MED13L: variants seen among roughly 807,000 people sequenced by gnomAD.
The protein encoded by MED13L is mediator of RNA polymerase II transcription subunit 13-like.
Under a neutral mutation model 220.9 loss-of-function variants are expected in MED13L, and 7 were observed. The ratio of observed to expected loss-of-function variants is 0.03; its 90% CI spans 0.02 to 0.06. The LOEUF is 0.06. MED13L is among the 10% of genes least tolerant of loss of function. MED13L has a pLI of 1.00. For synonymous variants in MED13L, 1,011 were observed against 1,015.2 expected (o/e 1.00, Z 0.08); for missense variants, 1,965 against 2,760.5 (o/e 0.71, Z 6.46).
intron 2 of MED13L, among the ~76,000 whole-genome samples, chr12:116,194,464 C>T (rs1186586294): frequency 6.6e-6 from 1 of 152,180 alleles, no homozygotes; most frequent in African/African-American, 2.4e-5. Context: ...CACTCCCAGC[C>T]ACCCCTACTT....
intron 1 of MED13L, among the ~76,000 whole-genome samples, chr12:116,264,767 C>T (rs1872721306): frequency 6.6e-6 from 1 of 152,170 alleles, no homozygotes; most frequent in Admixed American, 6.5e-5. Context: ...CACAAATCTA[C>T]CTTTCAGGCT....
At chr12:115,978,286 G>A (rs931160005) in intron 23 of MED13L, among the ~76,000 whole-genome samples, 1 of 151,000 alleles carries the variant, frequency 6.6e-6, no homozygotes, top group Non-Finnish European at 1.5e-5. Flanking sequence ...GTACAACTGT[G>A]TGGAAATACT....
At chr12:116,181,880 T>G (rs1880555942) in intron 2 of MED13L, among the ~76,000 whole-genome samples, 1 of 152,230 alleles carries the variant, frequency 6.6e-6, no homozygotes, top group African/African-American at 2.4e-5. Flanking sequence ...TTCTTCAAAC[T>G]ATGATTTTGT....
intron 25 of MED13L, among the ~76,000 whole-genome samples, chr12:115,973,386 T>C (rs1876718666): frequency 6.6e-6 from 1 of 152,222 alleles, no homozygotes; most frequent in South Asian, 2.1e-4. Context: ...AGTAAACAGA[T>C]TTCCTGTACA....
intron 1 of MED13L, among the ~76,000 whole-genome samples, chr12:116,250,025 TAAAAAAAA>T (rs71095516): frequency 4.9e-5 from 2 of 40,462 alleles, no homozygotes; most frequent in African/African-American, 1.2e-4. Context: ...CAGCATAAAC[TAAAAAAAA>T]AAAAAAAAAA....
intron 4 of MED13L, among the ~76,000 whole-genome samples, chr12:116,068,143 A>T (rs752740378): frequency 6.6e-6 from 1 of 152,164 alleles, no homozygotes; most frequent in Admixed American, 6.5e-5. Context: ...TTTATCTAAC[A>T]TAAGCTTCAG....
chr12:116,176,214 G>A (rs181354143), intron 2 of MED13L, among the ~76,000 whole-genome samples: 2 of 152,206 alleles, frequency 1.3e-5, no homozygotes, highest in East Asian at 1.9e-4. Flanking sequence ...TAAGCTTCTC[G>A]TGCTTTGGTT....
chr12:116,192,778 G>A (rs1881363852), intron 2 of MED13L, among the ~76,000 whole-genome samples: 1 of 152,106 alleles, frequency 6.6e-6, no homozygotes, highest in Admixed American at 6.5e-5. Context: ...CTTTAGTTCA[G>A]CAGTTCAAGA....
intron 2 of MED13L, among the ~76,000 whole-genome samples, chr12:116,185,932 G>A (rs1482083236): frequency 6.6e-6 from 1 of 152,156 alleles, no homozygotes; most frequent in African/African-American, 2.4e-5. Flanking sequence ...CTGACCTCAT[G>A]ATCTGCCCAC....
In MED13L at chr12:116,161,949, G is replaced by A. The variant is rs1022706282; in HGVS notation, c.311-50437C>T. On this transcript the variant is annotated intron_variant, in intron 2 of 30. Coordinates refer to ENST00000281928, the MANE Select transcript of MED13L (RefSeq NM_015335.5). Reference sequence around the variant, plus strand: ...AATATCTAACAAGTTCTTAGGTGACGGGGGCAGGGGGGCAAAGAAAAGAAA... The same window carrying A: ...AATATCTAACAAGTTCTTAGGTGACAGGGGCAGGGGGGCAAAGAAAAGAAA... Among the ~76,000 whole-genome samples the A allele has an allele frequency of 3.9e-5, 6 of 152,028 alleles. No individual in the cohort carries two copies. In the South Asian group the frequency reaches 6.3e-4, roughly 16 times the overall value.
chr12:116,065,016 G>A (rs1032825936), intron 4 of MED13L, among the ~76,000 whole-genome samples: 3 of 152,120 alleles, frequency 2.0e-5, no homozygotes, highest in African/African-American at 7.2e-5. Context: ...TTTCATTGCT[G>A]TACAAACAAC....
chr12:116,046,992 A>C (rs1447291099), intron 4 of MED13L, among the ~76,000 whole-genome samples: 1 of 152,096 alleles, frequency 6.6e-6, no homozygotes, highest in Non-Finnish European at 1.5e-5. Context: ...AAAGAAAGAA[A>C]GAAAATGTCT....
At chr12:116,253,895 G>C (rs1871806617) in intron 1 of MED13L, among the ~76,000 whole-genome samples, 1 of 151,172 alleles carries the variant, frequency 6.6e-6, no homozygotes, top group Admixed American at 6.6e-5. Flanking sequence ...GAGTAGCTGA[G>C]ATTACAGGCG....
chr12:116,104,338 G>A (rs1565879339), intron 3 of MED13L, among the ~76,000 whole-genome samples: 1 of 151,940 alleles, frequency 6.6e-6, no homozygotes, highest in Non-Finnish European at 1.5e-5. Flanking sequence ...CACCTCTATT[G>A]CATCACCTCT....
chr12:115,980,034 C>T (rs767093502), intron 23 of MED13L, among the ~76,000 whole-genome samples: 2 of 152,118 alleles, frequency 1.3e-5, no homozygotes, highest in Non-Finnish European at 2.9e-5. Context: ...GTATGTGCAT[C>T]ACAAAACGAG....
At chr12:116,090,365 T>C (rs1872093816) in intron 4 of MED13L, among the ~76,000 whole-genome samples, 1 of 152,220 alleles carries the variant, frequency 6.6e-6, no homozygotes, top group African/African-American at 2.4e-5. Flanking sequence ...ACATAATCCT[T>C]CCCTCTCTAC....
intron 4 of MED13L, among the ~76,000 whole-genome samples, chr12:116,068,594 T>G (rs1324146823): frequency 6.6e-6 from 1 of 152,206 alleles, no homozygotes; most frequent in Non-Finnish European, 1.5e-5. Flanking sequence ...TGACCTCTGC[T>G]GCCTCTGTTT....
chr12:115,963,567 G>C (rs1303444676), intron 29 of MED13L, 48 bp from the exon 30 acceptor site: 14 of 1,394,092 alleles, frequency 1.0e-5, no homozygotes, highest in Non-Finnish European at 1.3e-5. Flanking sequence ...GACAATCACA[G>C]TGCAGAAGTG....
At chr12:116,173,043 G>T (rs1473615606) in intron 2 of MED13L, among the ~76,000 whole-genome samples, 1 of 144,004 alleles carries the variant, frequency 6.9e-6, no homozygotes. Context: ...TGAAATAACA[G>T]ATCAGAAAAT....
Sources: allele counts gnomAD v4.1 joint callset (sites outside exome capture counted in the v4.1 genomes callset), GRCh38; gene constraint gnomAD v4.1.1; transcripts MANE v1.5; gene names NCBI Gene and HGNC (gene_info 2026-07-23, HGNC 2026-07-21).